SDK1: variants seen among roughly 807,000 people sequenced by gnomAD.
SDK1 encodes the protein sidekick cell adhesion molecule 1.
SDK1 carries 157 observed loss-of-function variants against 245.5 expected under a neutral mutation model. That is an observed-to-expected ratio of 0.64 (90% CI 0.56 to 0.73). The LOEUF is 0.73. Ranked by LOEUF, SDK1 falls within the 30% of genes least tolerant of loss-of-function variation. The pLI, the probability that SDK1 is intolerant of heterozygous loss-of-function variation, is 0.00. For synonymous variants in SDK1, 1,647 were observed against 1,278.5 expected (o/e 1.29, Z -6.15); for missense variants, 3,583 against 3,002.3 (o/e 1.19, Z -4.52).
chr7:3,926,170 G>A (rs775496269), intron 5 of SDK1, among the ~76,000 whole-genome samples: 8 of 152,248 alleles, frequency 5.3e-5, no homozygotes, highest in South Asian at 2.1e-4. Flanking sequence ...ATGCATTCCC[G>A]TGGGAAGGGC....
intron 1 of SDK1, among the ~76,000 whole-genome samples, chr7:3,377,148 A>C (rs7791343): frequency 0.49 from 74,854 of 151,990 alleles, 19,765 homozygotes; most frequent in South Asian, 0.63. Flanking sequence ...TAGCTGTTCA[A>C]TCTCTCTGAG....
intron 1 of SDK1, among the ~76,000 whole-genome samples, chr7:3,355,068 C>G (rs563170003): frequency 2.6e-5 from 4 of 152,128 alleles, no homozygotes; most frequent in Non-Finnish European, 4.4e-5. Context: ...CTGGCCAAAT[C>G]TAGTCTTTTC....
At chr7:3,954,054 A>G (rs1203062282) in intron 7 of SDK1, among the ~76,000 whole-genome samples, 1 of 152,108 alleles carries the variant, frequency 6.6e-6, no homozygotes, top group Admixed American at 6.5e-5. Flanking sequence ...CAGAGAAACA[A>G]ATGGGCTCCT....
intron 17 of SDK1, among the ~76,000 whole-genome samples, chr7:4,031,565 A>G (rs1210937192): frequency 6.6e-6 from 1 of 151,826 alleles, no homozygotes; most frequent in Non-Finnish European, 1.5e-5. Context: ...CAGACCAAAT[A>G]AAGACACACA....
At chr7:3,739,872 A>C (rs970875037) in intron 4 of SDK1, among the ~76,000 whole-genome samples, 41 of 152,282 alleles carry the variant, frequency 2.7e-4, no homozygotes, top group African/African-American at 9.9e-4. Flanking sequence ...ATGATATAAT[A>C]TGGCAATTTT....
chr7:3,660,388 A>G (rs922810895), intron 4 of SDK1, among the ~76,000 whole-genome samples: 7 of 152,106 alleles, frequency 4.6e-5, no homozygotes, highest in African/African-American at 1.4e-4. Flanking sequence ...CCAGCACTAA[A>G]TAAGTAAACA....
Position 3,852,519 on chromosome 7 carries a change from G to A in SDK1, c.847+30936G>A, listed in dbSNP as rs190720233. ...TCCCAGCACTTTGGGAGGCCGAGGC[G>A]GGCGGATCACGAGGTCAGGAGATTG... On this transcript the variant is annotated intron_variant, in intron 5 of 44. Transcript: ENST00000404826. Among the ~76,000 whole-genome samples the A allele has an allele frequency of 1.0e-3, 155 of 151,426 alleles. 1 individual carries two copies. The highest frequency in any genetic ancestry group is 3.4e-3 in the African/African-American group (139 of 41,316).
intron 4 of SDK1, among the ~76,000 whole-genome samples, chr7:3,776,009 C>T (rs557084346): frequency 6.6e-6 from 1 of 152,224 alleles, no homozygotes; most frequent in East Asian, 1.9e-4. Flanking sequence ...ATCCTAATCA[C>T]GTGTAACGTA....
intron 28 of SDK1, among the ~76,000 whole-genome samples, chr7:4,135,753 TAGTG>T (rs971085918): frequency 1.7e-4 from 26 of 152,318 alleles, no homozygotes; most frequent in African/African-American, 6.3e-4. Flanking sequence ...GCCTGCCACA[TAGTG>T]AGTGCTGAGT....
chr7:3,923,166 T>G (rs1017883299), intron 5 of SDK1, among the ~76,000 whole-genome samples: 4 of 152,260 alleles, frequency 2.6e-5, no homozygotes, highest in Admixed American at 2.6e-4. Context: ...GTTATTTGAT[T>G]CAGATTCTCT....
chr7:4,212,294 GATTCATCATT>G (rs1301694154), intron 38 of SDK1, among the ~76,000 whole-genome samples: 7 of 152,206 alleles, frequency 4.6e-5, no homozygotes, highest in African/African-American at 1.4e-4. Context: ...TTCACTGTAA[GATTCATCATT>G]ATTTTATGAA....
intron 4 of SDK1, among the ~76,000 whole-genome samples, chr7:3,771,552 G>T (rs1483995018): frequency 6.6e-6 from 1 of 152,144 alleles, no homozygotes; most frequent in East Asian, 1.9e-4. Flanking sequence ...TGGTTACAGG[G>T]ACTGACATCT....
chr7:3,725,778 G>A (rs541662028), intron 4 of SDK1, among the ~76,000 whole-genome samples: 11 of 152,258 alleles, frequency 7.2e-5, no homozygotes, highest in African/African-American at 9.6e-5. Flanking sequence ...TTGTACTGTC[G>A]TCTTCTCTTT....
At chr7:3,886,598 A>G (rs1176582112) in intron 5 of SDK1, among the ~76,000 whole-genome samples, 1 of 152,124 alleles carries the variant, frequency 6.6e-6, no homozygotes, top group East Asian at 1.9e-4. Context: ...GGTTGGGTAT[A>G]TTTTCCACTT....
At chr7:3,672,796 A>ATATATATATAT (rs1554307151) in intron 4 of SDK1, among the ~76,000 whole-genome samples, 873 of 52,800 alleles carry the variant, frequency 0.017, 13 homozygotes, top group Non-Finnish European at 0.02. Flanking sequence ...TATATATATA[A>ATATATATATAT]AAAATACAGA....
At chr7:4,030,333 G>C (rs955585517) in intron 17 of SDK1, among the ~76,000 whole-genome samples, 7 of 152,258 alleles carry the variant, frequency 4.6e-5, no homozygotes, top group African/African-American at 1.7e-4. Flanking sequence ...AGAAGACAGA[G>C]GGGAACCAAT....
At chr7:3,598,191 C>G (rs1781130179) in intron 1 of SDK1, among the ~76,000 whole-genome samples, 1 of 152,136 alleles carries the variant, frequency 6.6e-6, no homozygotes, top group South Asian at 2.1e-4. Flanking sequence ...GTTTGTAGAT[C>G]TTCCTTTAGG....
At chr7:3,308,230 A>T (rs1438957663) in intron 1 of SDK1, among the ~76,000 whole-genome samples, 1 of 152,134 alleles carries the variant, frequency 6.6e-6, no homozygotes, top group Admixed American at 6.6e-5. Flanking sequence ...AGAAGGGGCA[A>T]GGCTAACAAA....
chr7:3,694,105 T>C (rs569709963), intron 4 of SDK1, among the ~76,000 whole-genome samples: 3 of 152,188 alleles, frequency 2.0e-5, no homozygotes, highest in South Asian at 2.1e-4. Context: ...GTGTGCCCGA[T>C]TGGAAGGCAA....
Sources: allele counts gnomAD v4.1 joint callset (sites outside exome capture counted in the v4.1 genomes callset), GRCh38; gene constraint gnomAD v4.1.1; transcripts MANE v1.5; gene names NCBI Gene and HGNC (gene_info 2026-07-23, HGNC 2026-07-21).